SGK1: variants seen among roughly 807,000 people sequenced by gnomAD.
SGK1 encodes serine/threonine-protein kinase Sgk1.
SGK1 carries 26 observed loss-of-function variants against 64.2 expected under a neutral mutation model. That is an observed-to-expected ratio of 0.40 (90% CI 0.30 to 0.56). The LOEUF (loss-of-function observed/expected upper bound fraction) is 0.56, where lower values mean the gene tolerates loss of function less well. SGK1 is among the 20% of genes least tolerant of loss of function. The pLI is 0.38. For synonymous variants in SGK1, 265 were observed against 239.7 expected, an observed-to-expected ratio of 1.11 and a Z score of -0.98; for missense variants, 519 against 645.6, an observed-to-expected ratio of 0.80 and a Z score of 2.12.
chr6:134,307,406 G>T (rs546069880), intron 1 of SGK1, among the ~76,000 whole-genome samples: 1 of 152,250 alleles, frequency 6.6e-6, no homozygotes, highest in Non-Finnish European at 1.5e-5. Flanking sequence ...ATTGACGTTC[G>T]TTGTAGAAAT....
intron 13 of SGK1, 54 bp from the exon 14 acceptor site, chr6:134,170,489 C>T (rs905449177): frequency 1.3e-6 from 2 of 1,520,958 alleles, no homozygotes; most frequent in African/African-American, 2.8e-5. Flanking sequence ...AGACACAGGA[C>T]AGGGAAATCT....
At chr6:134,297,908 G>A (rs1296910106) in intron 1 of SGK1, 2 of 807,310 alleles carry the variant, frequency 2.5e-6, no homozygotes, top group African/African-American at 3.4e-5. Flanking sequence ...TCCGGCTGCG[G>A]TTGGTGATCT....
chr6:134,260,934 A>C (rs1453165410), intron 2 of SGK1: 1 of 152,222 alleles, frequency 6.6e-6, no homozygotes, highest in Non-Finnish European at 1.5e-5. Context: ...TGTCTTCTAA[A>C]TATTGTATTT....
At chr6:134,299,318 T>C (rs1777411227) in intron 1 of SGK1, among the ~76,000 whole-genome samples, 1 of 152,058 alleles carries the variant, frequency 6.6e-6, no homozygotes. Flanking sequence ...TGAGCTGTGA[T>C]TGTGCCACTG....
chr6:134,317,875 C>T lies in SGK1; in HGVS notation c.-415G>A, dbSNP rs1777711936. The T allele has an allele frequency of 5.8e-6, 1 of 172,294 alleles. No individual in the cohort carries two copies. The highest frequency in any genetic ancestry group is 1.2e-5 in the Non-Finnish European group (1 of 81,318). 10.7% of individuals were successfully genotyped at this position (172,294 alleles called of 1,614,324 possible). On this transcript the variant is annotated 5_prime_UTR_variant, in exon 1 of 14. Coordinates refer to ENST00000367858, the MANE Select transcript of SGK1 (RefSeq NM_001143676.3). ...TCGCTCTTCTCCAGGTGATGCGCTC[C>T]TGGAGGCGGCTTGAGAGAGGAGAGT... is the stretch of plus-strand genomic sequence containing the variant.
intron 2 of SGK1, among the ~76,000 whole-genome samples, chr6:134,256,088 C>CTTTTTTTTTTTTT (rs68106923): frequency 2.2e-5 from 3 of 139,234 alleles, no homozygotes; most frequent in Admixed American, 7.2e-5. Flanking sequence ...GTCCTTTTTC[C>CTTTTTTTTTTTTT]TTTTTTTTTT....
At chr6:134,283,873 CAAAAAAAA>C (rs35999916) in intron 1 of SGK1, among the ~76,000 whole-genome samples, 3 of 26,154 alleles carry the variant, frequency 1.1e-4, no homozygotes, top group Admixed American at 7.0e-4. Flanking sequence ...CTGCCACCAC[CAAAAAAAA>C]AAAAAAAAAA....
chr6:134,215,040 A>G (rs1485117223), intron 2 of SGK1: 3 of 455,586 alleles, frequency 6.6e-6, no homozygotes, highest in South Asian at 3.1e-5. Context: ...ATGGGGGTGT[A>G]TGAGAATATC....
chr6:134,249,285 T>C (rs928342673), intron 2 of SGK1, among the ~76,000 whole-genome samples: 19 of 152,200 alleles, frequency 1.2e-4, no homozygotes, highest in Admixed American at 3.3e-4. Context: ...CTCCTGAAGA[T>C]GATATATAGA....
At chr6:134,232,463 GAA>G (rs1386927266) in intron 2 of SGK1, among the ~76,000 whole-genome samples, 1 of 42,280 alleles carries the variant, frequency 2.4e-5, no homozygotes, top group African/African-American at 7.0e-5. Flanking sequence ...AAGAAAGAAA[GAA>G]AGAAAGAAAG....
chr6:134,200,404 T>C (rs1775662429), intron 3 of SGK1, among the ~76,000 whole-genome samples: 1 of 152,200 alleles, frequency 6.6e-6, no homozygotes, highest in Admixed American at 6.5e-5. Flanking sequence ...CCAGTATCTA[T>C]CTACACATAG....
intron 1 of SGK1, among the ~76,000 whole-genome samples, chr6:134,267,733 T>C (rs1033179670): frequency 2.0e-5 from 3 of 152,182 alleles, no homozygotes; most frequent in African/African-American, 7.2e-5. Context: ...CAGGATACTA[T>C]CGGATACTCC....
intron 8 of SGK1, 34 bp from the exon 9 acceptor site, chr6:134,172,808 C>G (rs780820804): frequency 6.7e-7 from 1 of 1,490,586 alleles, no homozygotes; most frequent in Non-Finnish European, 9.4e-7. Context: ...TTCTGGGTTG[C>G]AAATGAATTT....
chr6:134,207,083 G>A (rs974594149), intron 3 of SGK1, among the ~76,000 whole-genome samples: 5 of 151,348 alleles, frequency 3.3e-5, no homozygotes, highest in Non-Finnish European at 7.4e-5. Context: ...AAAATTAGCT[G>A]GGCATGGTGG....
rs114767547 is a variant in SGK1, at chr6:134,278,736, G to A, written c.70-16588C>T. ...GAAGTACCTATTATGTCCAAGGATT[G>A]TGTGAGGTTCTGAAATTATGGAAGA... On this transcript the variant is annotated intron_variant, in intron 1 of 13. Coordinates refer to ENST00000367858, the MANE Select transcript of SGK1 (RefSeq NM_001143676.3). 6.1e-3 allele frequency among the ~76,000 whole-genome samples: 930 copies of A among 152,200 alleles called. 7 individuals carry two copies. Among genetic ancestry groups the A allele is most frequent in the African/African-American group, 0.021 (856 of 41,534 alleles).
intron 1 of SGK1, among the ~76,000 whole-genome samples, chr6:134,304,252 C>T (rs907177338): frequency 6.6e-6 from 1 of 152,226 alleles, no homozygotes; most frequent in African/African-American, 2.4e-5. Flanking sequence ...ATTCCTAATC[C>T]ACAGAATCAT....
At chr6:134,279,254 A>C (rs562212326) in intron 1 of SGK1, among the ~76,000 whole-genome samples, 11 of 152,196 alleles carry the variant, frequency 7.2e-5, no homozygotes, top group African/African-American at 2.6e-4. Flanking sequence ...CAACATGGTG[A>C]AACCCCGTCT....
Position 134,170,121 on chromosome 6 carries a change from C to T in SGK1, c.*147G>A. ...AATGTGCTCTTCAAAAAGCTTCCAG[C>T]GAACAGTGTGCAATAAGATTGCTAA... On this transcript the variant is annotated 3_prime_UTR_variant, in exon 14 of 14. Coordinates refer to ENST00000367858, the MANE Select transcript of SGK1 (RefSeq NM_001143676.3). 1.2e-5 allele frequency: 7 copies of T among 589,440 alleles called. No individual in the cohort carries two copies. The highest frequency in any genetic ancestry group is 2.8e-5 in the East Asian group (1 of 35,286). The allele number at this position is 589,440 out of a possible 1,614,324, so 36.5% of individuals were successfully genotyped here.
intron 2 of SGK1, among the ~76,000 whole-genome samples, chr6:134,216,514 C>A (rs796947440): frequency 3.3e-5 from 5 of 152,308 alleles, no homozygotes; most frequent in African/African-American, 1.2e-4. Context: ...ATAAAAGAGT[C>A]TTCTTCCATT....
Sources: allele counts gnomAD v4.1 joint callset (sites outside exome capture counted in the v4.1 genomes callset), GRCh38; gene constraint gnomAD v4.1.1; transcripts MANE v1.5; gene names NCBI Gene and HGNC (gene_info 2026-07-23, HGNC 2026-07-21).